The following CCNB3 variants were observed in gnomAD, a reference collection of about 807,000 sequenced individuals.
CCNB3 encodes the protein cyclin B3, also known as G2/mitotic-specific cyclin-B3.
A neutral mutation model predicts 68.0 loss-of-function variants in CCNB3; 12 were observed. The observed-to-expected ratio is 0.18, with a 90% CI of 0.11 to 0.29. CCNB3 has a LOEUF of 0.29. Among genes scored for constraint, CCNB3 ranks in the 10% least tolerant of loss-of-function variants. The probability of loss-of-function intolerance (pLI) is 1.00; values close to 1 mark genes in which losing one functional copy is unlikely to be tolerated. For missense variants in CCNB3, 904 were observed against 993.1 expected, an observed-to-expected ratio of 0.91 and a Z score of 1.21; for synonymous variants, 354 against 388.9, an observed-to-expected ratio of 0.91 and a Z score of 1.06.
chrX:50,302,204 A>G (rs1451809695), intron 5 of CCNB3, among the ~76,000 whole-genome samples: 2 of 111,710 alleles, frequency 1.8e-5, no homozygotes, highest in African/African-American at 3.3e-5. Flanking sequence ...AAATGCAGAA[A>G]TCACCCGTCT....
intron 1 of CCNB3, among the ~76,000 whole-genome samples, chrX:50,213,355 C>T (rs1935513193): frequency 8.9e-6 from 1 of 112,054 alleles, no homozygotes; most frequent in African/African-American, 3.2e-5. Flanking sequence ...ATAAATCCCA[C>T]TTGGTCATGG....
chrX:50,297,167 C>T (rs1360136718), intron 5 of CCNB3, among the ~76,000 whole-genome samples: 1 of 111,691 alleles, frequency 9.0e-6, no homozygotes, highest in Non-Finnish European at 1.9e-5. Flanking sequence ...GCTTCTGTTG[C>T]CATTGCTTTT....
At chrX:50,341,329 C>A (rs868989872) in intron 8 of CCNB3, among the ~76,000 whole-genome samples, 2 of 86,711 alleles carry the variant, frequency 2.3e-5, no homozygotes, top group African/African-American at 4.1e-5. Context: ...AACTCCGTCT[C>A]AATAAATAAA....
intron 1 of CCNB3, among the ~76,000 whole-genome samples, chrX:50,223,914 T>C (rs975450727): frequency 8.9e-6 from 1 of 112,059 alleles, no homozygotes; most frequent in East Asian, 2.8e-4. Flanking sequence ...GGGAGTTTTA[T>C]CTATAAGCCC....
intron 1 of CCNB3, among the ~76,000 whole-genome samples, chrX:50,226,612 AAT>A (rs1165118758): frequency 2.2e-4 from 17 of 77,639 alleles, no homozygotes; most frequent in Admixed American, 3.9e-4. Context: ...TATATCTATA[AAT>A]ATATATATAG....
intron 1 of CCNB3, among the ~76,000 whole-genome samples, chrX:50,228,805 T>A (rs1178659552): frequency 1.4e-5 from 1 of 73,802 alleles, no homozygotes; most frequent in African/African-American, 5.5e-5. Flanking sequence ...AGAATAGATA[T>A]ATAGAATATA....
intron 9 of CCNB3, among the ~76,000 whole-genome samples, chrX:50,346,212 T>C (rs1923395812): frequency 9.0e-6 from 1 of 111,503 alleles, no homozygotes; most frequent in Non-Finnish European, 1.9e-5. Context: ...TCCTCAAACA[T>C]CCTTACTCAT....
At chrX:50,223,976 A>G (rs1048705490) in intron 1 of CCNB3, among the ~76,000 whole-genome samples, 5 of 111,713 alleles carry the variant, frequency 4.5e-5, no homozygotes, top group Admixed American at 1.9e-4. Context: ...AGAGAGGAGG[A>G]ATCTAGAGAG....
rs1557213926 is a variant in CCNB3, at chrX:50,308,760, G to A, written c.591G>A (p.Gln197=). ...VSLLEKLQPL[Q]EESDSDDAFV... is the part of the protein sequence containing the mutation. ...TACTGGAAAAGCTACAGCCCCTGCA[G>A]GAGGAGAGTGACAGTGATGATGCGT... Residue 197 remains glutamine (Q), a synonymous_variant, in exon 6 of 13, where the codon CAG becomes CAA. Coordinates refer to ENST00000376042, the MANE Select transcript of CCNB3 (RefSeq NM_033031.3). The A allele has an allele frequency of 3.3e-6, 4 of 1,211,745 alleles. No homozygotes were observed. The Admixed American group carries it at 8.7e-5, about 26-fold the overall frequency.
intron 8 of CCNB3, among the ~76,000 whole-genome samples, chrX:50,324,255 A>G (rs991613765): frequency 2.9e-4 from 32 of 111,754 alleles, no homozygotes; most frequent in Non-Finnish European, 2.3e-4. Flanking sequence ...CATGTTGGCC[A>G]GGCTTGTCTC....
chrX:50,329,219 C>T (rs1485737909), intron 8 of CCNB3, among the ~76,000 whole-genome samples: 1 of 111,749 alleles, frequency 8.9e-6, no homozygotes, highest in Admixed American at 9.4e-5. Context: ...TATCCCACTG[C>T]CTAGTGGGAC....
At chrX:50,218,157 A>C (rs1935610051) in intron 1 of CCNB3, among the ~76,000 whole-genome samples, 2 of 111,922 alleles carry the variant, frequency 1.8e-5, no homozygotes, top group Non-Finnish European at 3.8e-5. Flanking sequence ...TTTAATCTGC[A>C]TTTATTTTTA....
At chrX:50,337,820 A>G (rs1922928302) in intron 8 of CCNB3, among the ~76,000 whole-genome samples, 1 of 111,716 alleles carries the variant, frequency 9.0e-6, no homozygotes, top group Non-Finnish European at 1.9e-5. Flanking sequence ...CCAGAATCAA[A>G]ACCAAAATCA....
chrX:50,305,989 G>T (rs1416972467), intron 5 of CCNB3, among the ~76,000 whole-genome samples: 3 of 94,998 alleles, frequency 3.2e-5, no homozygotes, highest in Non-Finnish European at 6.2e-5. Context: ...GTTTCACTAT[G>T]TTGGGCAGGC....
At position 50,226,476 on chromosome X, in the gene CCNB3, T is replaced by TAAATATATATAGAATATATAA. The variant is rs1935809430; in HGVS notation, c.-113+21538_-113+21558dup. On this transcript the variant is annotated intron_variant, in intron 1 of 12. Coordinates refer to ENST00000376042, the MANE Select transcript of CCNB3 (RefSeq NM_033031.3). ...TATATAAATATATATAGAATATATA[T>TAAATATATATAGAATATATAA]AAATATATATAGAATATATAAAAAT... Among the ~76,000 whole-genome samples the TAAATATATATAGAATATATAA allele has an allele frequency of 5.0e-3, 333 of 67,006 alleles. 4 individuals carry two copies. Among genetic ancestry groups the TAAATATATATAGAATATATAA allele is most frequent in the African/African-American group, 0.019 (318 of 16,358 alleles). 58.2% of individuals were successfully genotyped at this position (67,006 alleles called of 115,157 possible). A position where few individuals can be genotyped will look rare whatever the true frequency, so the allele number is the denominator to read the frequency against.
intron 1 of CCNB3, among the ~76,000 whole-genome samples, chrX:50,226,375 AAAATATATATATAGAATATATAT>A (rs1935798911): frequency 3.9e-5 from 1 of 25,583 alleles, no homozygotes; most frequent in Admixed American, 6.5e-4. Context: ...AATATATATA[AAAATATATATATAGAATATATAT>A]AAAAATATAT....
intron 5 of CCNB3, among the ~76,000 whole-genome samples, chrX:50,307,719 T>C: frequency 9.0e-6 from 1 of 111,027 alleles, no homozygotes; most frequent in Non-Finnish European, 1.9e-5. Flanking sequence ...AGGAAACCAC[T>C]AGTCTACTTT....
At chrX:50,295,030 T>C in intron 5 of CCNB3, 37 bp downstream of exon 5, 2 of 1,158,668 alleles carry the variant, frequency 1.7e-6, no homozygotes, top group Non-Finnish European at 2.3e-6. Context: ...TTATTTTAGA[T>C]GGTAGAGTAT....
intron 5 of CCNB3, among the ~76,000 whole-genome samples, chrX:50,297,402 C>T (rs782801119): frequency 9.0e-4 from 100 of 111,666 alleles, no homozygotes; most frequent in Non-Finnish European, 1.4e-3. Context: ...TTCCCCATTG[C>T]TTGTTTTTGT....
Sources: allele counts gnomAD v4.1 joint callset (sites outside exome capture counted in the v4.1 genomes callset), GRCh38; gene constraint gnomAD v4.1.1; transcripts MANE v1.5; gene names NCBI Gene and HGNC (gene_info 2026-07-23, HGNC 2026-07-21).